Variants in ASTN2 observed in about 807,000 individuals in gnomAD.
ASTN2 encodes astrotactin 2, also known as astrotactin-2.
In ASTN2, 54 loss-of-function variants were observed where a neutral mutation model predicts 139.8. The ratio of observed to expected loss-of-function variants is 0.39; its 90% CI spans 0.31 to 0.48. The LOEUF (loss-of-function observed/expected upper bound fraction) is 0.48, where lower values mean the gene tolerates loss of function less well. Ranked by LOEUF, ASTN2 falls within the 20% of genes least tolerant of loss-of-function variation. ASTN2 has a pLI of 0.95. For synonymous variants in ASTN2, 756 were observed against 719.5 expected (o/e 1.05, Z -0.81); for missense variants, 1,565 against 1,725.1 (o/e 0.91, Z 1.64).
chr9:116,522,853 C>A (rs1442335694), intron 19 of ASTN2, among the ~76,000 whole-genome samples: 2 of 152,116 alleles, frequency 1.3e-5, no homozygotes, highest in East Asian at 3.9e-4. Flanking sequence ...GTTTTGTCTT[C>A]CACTAAATTC....
intron 7 of ASTN2, among the ~76,000 whole-genome samples, chr9:116,982,662 C>A (rs1336690073): frequency 6.6e-6 from 1 of 152,026 alleles, no homozygotes; most frequent in Non-Finnish European, 1.5e-5. Flanking sequence ...AGCTTTTGGG[C>A]TCAAGAGATC....
intron 5 of ASTN2, among the ~76,000 whole-genome samples, chr9:117,081,635 A>C (rs1828430806): frequency 6.6e-6 from 1 of 152,212 alleles, no homozygotes; most frequent in African/African-American, 2.4e-5. Context: ...ATCAGAAAGA[A>C]GTTCATCTTG....
At chr9:117,263,012 C>A (rs2133111600) in intron 2 of ASTN2, among the ~76,000 whole-genome samples, 1 of 152,248 alleles carries the variant, frequency 6.6e-6, no homozygotes, top group African/African-American at 2.4e-5. Context: ...TTGGTTTTAA[C>A]CCAGTGAAAC....
intron 1 of ASTN2, among the ~76,000 whole-genome samples, chr9:117,318,107 T>C (rs557118038): frequency 6.6e-6 from 1 of 152,330 alleles, no homozygotes; most frequent in East Asian, 1.9e-4. Context: ...ATCATATTCA[T>C]GAGTGAAGCA....
At chr9:117,154,731 G>A (rs904273067) in intron 3 of ASTN2, among the ~76,000 whole-genome samples, 66 of 152,084 alleles carry the variant, frequency 4.3e-4, no homozygotes, top group Middle Eastern at 3.4e-3. Context: ...TATACATCAA[G>A]GTCCAAATCC....
chr9:116,601,940 C>T (rs925126953), intron 19 of ASTN2, among the ~76,000 whole-genome samples: 39 of 152,184 alleles, frequency 2.6e-4, no homozygotes, highest in African/African-American at 8.4e-4. Flanking sequence ...AAAGATTATA[C>T]AGGACCAAGC....
chr9:117,193,353 T>C (rs184187005), intron 3 of ASTN2, among the ~76,000 whole-genome samples: 1 of 152,172 alleles, frequency 6.6e-6, no homozygotes, highest in African/African-American at 2.4e-5. Context: ...AAGAAAGTCA[T>C]TTCTGGCTGG....
At chr9:116,714,193 C>G (rs182573300) in intron 16 of ASTN2, among the ~76,000 whole-genome samples, 20 of 152,352 alleles carry the variant, frequency 1.3e-4, no homozygotes, top group Admixed American at 2.0e-4. Flanking sequence ...ATGTGCCCTA[C>G]TGCTGAGCTC....
chr9:116,535,795 C>T (rs1851596577), intron 19 of ASTN2, among the ~76,000 whole-genome samples: 1 of 152,104 alleles, frequency 6.6e-6, no homozygotes, highest in African/African-American at 2.4e-5. Context: ...AACATTTTTT[C>T]CTTCATTTCA....
chr9:116,633,883 G>T (rs1403610819), intron 17 of ASTN2, among the ~76,000 whole-genome samples: 1 of 152,170 alleles, frequency 6.6e-6, no homozygotes, highest in African/African-American at 2.4e-5. Context: ...GGCTGAGGAA[G>T]CTTGGAAGTG....
At chr9:116,843,390 G>A (rs1832325813) in intron 11 of ASTN2, among the ~76,000 whole-genome samples, 1 of 152,154 alleles carries the variant, frequency 6.6e-6, no homozygotes, top group South Asian at 2.1e-4. Flanking sequence ...GGGCGTGGTG[G>A]CTCATGCCTG....
intron 3 of ASTN2, among the ~76,000 whole-genome samples, chr9:117,182,779 C>T (rs1247954917): frequency 1.3e-5 from 2 of 152,024 alleles, no homozygotes; most frequent in African/African-American, 4.8e-5. Flanking sequence ...TGTCTCGGTG[C>T]CCCCATCTCT....
intron 5 of ASTN2, among the ~76,000 whole-genome samples, chr9:117,059,134 G>A (rs1284275002): frequency 2.0e-5 from 3 of 152,170 alleles, no homozygotes; most frequent in African/African-American, 7.2e-5. Flanking sequence ...TGACACTGGG[G>A]ATGGAGAGAG....
intron 5 of ASTN2, among the ~76,000 whole-genome samples, chr9:117,051,575 A>C (rs1309125410): frequency 6.6e-6 from 1 of 152,158 alleles, no homozygotes; most frequent in African/African-American, 2.4e-5. Context: ...AGTTCTAAAA[A>C]CTGGCCCCCA....
At chr9:116,801,382 A>G (rs1830842370) in intron 13 of ASTN2, among the ~76,000 whole-genome samples, 1 of 151,842 alleles carries the variant, frequency 6.6e-6, no homozygotes, top group Non-Finnish European at 1.5e-5. Flanking sequence ...GGAGTTTGAG[A>G]CCAGTCTGGC....
At position 116,729,262 on chromosome 9, in the gene ASTN2, C is replaced by G. The variant is rs192873278; in HGVS notation, c.2522-166G>C. On this transcript the variant is annotated intron_variant, in intron 14 of 22. Coordinates refer to ENST00000313400, the MANE Select transcript of ASTN2 (RefSeq NM_001365068.1). ...CCCACCCTCCAGGCCTCTTTCTGGT[C>G]TCTAATCTCAGCCCTACCCCTCATT... 2.6e-5 allele frequency among the ~76,000 whole-genome samples: 4 copies of G among 152,306 alleles called. No homozygotes were observed. The South Asian group carries it at 6.2e-4, about 24-fold the overall frequency.
At chr9:116,809,729 G>A (rs1831115859) in intron 12 of ASTN2, among the ~76,000 whole-genome samples, 1 of 151,992 alleles carries the variant, frequency 6.6e-6, no homozygotes, top group South Asian at 2.1e-4. Flanking sequence ...TATACGTTTT[G>A]CGAGTTAACT....
intron 16 of ASTN2, among the ~76,000 whole-genome samples, chr9:116,722,742 A>G (rs931036811): frequency 2.4e-4 from 37 of 152,268 alleles, no homozygotes; most frequent in African/African-American, 8.4e-4. Context: ...GTTGTTATCC[A>G]TGCCCTATTT....
At chr9:116,450,450 G>A (rs1382098104) in intron 20 of ASTN2, among the ~76,000 whole-genome samples, 2 of 152,206 alleles carry the variant, frequency 1.3e-5, no homozygotes, top group Non-Finnish European at 2.9e-5. Flanking sequence ...TCAAGTGACT[G>A]GTCCAAGGTC....
Sources: allele counts gnomAD v4.1 joint callset (sites outside exome capture counted in the v4.1 genomes callset), GRCh38; gene constraint gnomAD v4.1.1; transcripts MANE v1.5; gene names NCBI Gene and HGNC (gene_info 2026-07-23, HGNC 2026-07-21).